QTGAL: variants seen among roughly 807,000 people sequenced by gnomAD.
QTGAL encodes the protein queuosine-tRNA galactosyltransferase.
the QTGAL span, among the ~76,000 whole-genome samples, chr17:82,995,109 TTTCC>T: frequency 6.6e-6 from 1 of 152,174 alleles, no homozygotes; most frequent in African/African-American, 2.4e-5. Flanking sequence ...ACTGAAAGCC[TTTCC>T]TCTGAGATTG....
the QTGAL span, among the ~76,000 whole-genome samples, chr17:82,979,048 C>T: frequency 6.6e-6 from 1 of 152,094 alleles, no homozygotes; most frequent in Non-Finnish European, 1.5e-5. Context: ...GGACAAAAAA[C>T]TCAGCTTCCA....
chr17:83,035,151 T>C, the QTGAL span: 1 of 1,468,560 alleles, frequency 6.8e-7, no homozygotes. Context: ...TCCAGCAGCA[T>C]TCTCTTTCAT....
chr17:82,998,327 A>C, the QTGAL span, among the ~76,000 whole-genome samples: 1 of 152,222 alleles, frequency 6.6e-6, no homozygotes, highest in Admixed American at 6.5e-5. Flanking sequence ...ATTGAATTTC[A>C]TCAAAAATTA....
At chr17:82,974,671 C>A in the QTGAL span, among the ~76,000 whole-genome samples, 1 of 152,162 alleles carries the variant, frequency 6.6e-6, no homozygotes, top group Admixed American at 6.5e-5. Flanking sequence ...CCCCCCACAG[C>A]GGGTGTCCCT....
the QTGAL span, among the ~76,000 whole-genome samples, chr17:82,960,164 G>A: frequency 6.6e-6 from 1 of 152,146 alleles, no homozygotes; most frequent in Non-Finnish European, 1.5e-5. Context: ...TGAGGATGAT[G>A]CCCCCAATGG....
chr17:82,996,776 C>A, the QTGAL span, among the ~76,000 whole-genome samples: 971 of 152,192 alleles, frequency 6.4e-3, 6 homozygotes, highest in African/African-American at 0.021. Flanking sequence ...GACAAACATG[C>A]CAAGAACTTA....
the QTGAL span, chr17:83,051,709 G>A: frequency 1.4e-6 from 2 of 1,473,014 alleles, no homozygotes; most frequent in Admixed American, 2.3e-5. Flanking sequence ...AGCCTGCACG[G>A]CGGGGCACCC....
the QTGAL span, among the ~76,000 whole-genome samples, chr17:82,969,690 A>T: frequency 1.3e-5 from 2 of 149,870 alleles, no homozygotes; most frequent in Non-Finnish European, 3.0e-5. Context: ...CATCTTTTAA[A>T]TTTTTTTTTT....
At chr17:83,017,821 A>G in the QTGAL span, among the ~76,000 whole-genome samples, 9 of 151,700 alleles carry the variant, frequency 5.9e-5, no homozygotes, top group South Asian at 6.3e-4. Context: ...CGCCTGTATC[A>G]GGTACCACAT....
At chr17:83,024,101 C>A in the QTGAL span, among the ~76,000 whole-genome samples, 1 of 152,106 alleles carries the variant, frequency 6.6e-6, no homozygotes, top group Non-Finnish European at 1.5e-5. Flanking sequence ...TCCTGTTGGA[C>A]CTAAAGGCTA....
the QTGAL span, among the ~76,000 whole-genome samples, chr17:82,954,600 T>C: frequency 6.6e-6 from 1 of 152,190 alleles, no homozygotes; most frequent in East Asian, 1.9e-4. Flanking sequence ...CAAGCTGCCA[T>C]TGACTTTATT....
chr17:83,029,431 C>A, the QTGAL span, among the ~76,000 whole-genome samples: 2 of 151,896 alleles, frequency 1.3e-5, no homozygotes, highest in Non-Finnish European at 2.9e-5. Flanking sequence ...GGATGATGAG[C>A]GCGGAATTTG....
the QTGAL span, chr17:82,979,547 G>A: frequency 6.6e-6 from 1 of 152,174 alleles, no homozygotes; most frequent in African/African-American, 2.4e-5. Flanking sequence ...AAATACTTAG[G>A]TATAAATCTA....
the QTGAL span, among the ~76,000 whole-genome samples, chr17:83,010,028 G>A: frequency 7.9e-6 from 1 of 126,888 alleles, no homozygotes; most frequent in Non-Finnish European, 1.7e-5. Flanking sequence ...CCCCTGGTGT[G>A]GGGGGGCTGC....
chr17:83,037,391 T>C, the QTGAL span, among the ~76,000 whole-genome samples: 2 of 152,222 alleles, frequency 1.3e-5, no homozygotes, highest in African/African-American at 4.8e-5. This position sits in a 1 kb window ranked among gnomAD's most constrained non-coding sequence, Gnocchi z 5.2. Flanking sequence ...CCCCTCTTCA[T>C]ACCAGGTAGC....
the QTGAL span, among the ~76,000 whole-genome samples, chr17:82,950,724 A>C: frequency 6.6e-6 from 1 of 152,178 alleles, no homozygotes; most frequent in East Asian, 1.9e-4. Flanking sequence ...TCAGCACAAA[A>C]ACACGAACCC....
chr17:82,953,189 A>G, the QTGAL span, among the ~76,000 whole-genome samples: 2 of 152,258 alleles, frequency 1.3e-5, no homozygotes, highest in African/African-American at 4.8e-5. Context: ...GCAAGATCAG[A>G]GCAGAACTGA....
the QTGAL span, among the ~76,000 whole-genome samples, chr17:82,974,533 G>C: frequency 6.6e-6 from 1 of 152,234 alleles, no homozygotes; most frequent in Non-Finnish European, 1.5e-5. Context: ...TGAGGGACAG[G>C]AGTGAGGCAG....
chr17:82,971,403 G>A, the QTGAL span, among the ~76,000 whole-genome samples: 3 of 152,200 alleles, frequency 2.0e-5, no homozygotes, highest in Non-Finnish European at 4.4e-5. Flanking sequence ...CCAGGCGCCC[G>A]GCGAGTCCTC....
Sources: allele counts gnomAD v4.1 joint callset (sites outside exome capture counted in the v4.1 genomes callset), GRCh38; gene constraint gnomAD v4.1.1; non-coding constraint Gnocchi (gnomAD v3.1); transcripts MANE v1.5; gene names NCBI Gene and HGNC (gene_info 2026-07-23, HGNC 2026-07-21).